Variants in FAM120B observed in about 807,000 individuals in gnomAD.
FAM120B encodes the protein constitutive coactivator of peroxisome proliferator-activated receptor gamma.
FAM120B carries 83 observed loss-of-function variants against 96.3 expected under a neutral mutation model. The observed-to-expected ratio is 0.86, with a 90% CI of 0.72 to 1.03. FAM120B has a LOEUF of 1.03. FAM120B is among the 50% of genes least tolerant of loss of function. The pLI is 0.00. For synonymous variants in FAM120B, 407 were observed against 402.7 expected (o/e 1.01, Z -0.13); for missense variants, 1,027 against 1,121.2 (o/e 0.92, Z 1.20).
intron 6 of FAM120B, among the ~76,000 whole-genome samples, chr6:170,368,337 G>T (rs530208882): frequency 6.6e-6 from 1 of 152,282 alleles, no homozygotes; most frequent in Non-Finnish European, 1.5e-5. Flanking sequence ...TGATAAGCAG[G>T]TATGCCATGT....
intron 9 of FAM120B, among the ~76,000 whole-genome samples, chr6:170,403,930 C>T (rs1366713841): frequency 2.0e-5 from 3 of 152,154 alleles, no homozygotes; most frequent in East Asian, 1.9e-4. Context: ...AGGCTGCCCA[C>T]GGCAGGAGTG....
At chr6:170,390,979 C>T (rs1272675655) in intron 7 of FAM120B, 34 bp from the exon 8 acceptor site, 2 of 1,576,482 alleles carry the variant, frequency 1.3e-6, no homozygotes, top group East Asian at 2.2e-5. Flanking sequence ...ACATCTGGCC[C>T]CTCACATCTC....
At chr6:170,339,015 C>T (rs1273391313) in intron 4 of FAM120B, among the ~76,000 whole-genome samples, 1 of 152,006 alleles carries the variant, frequency 6.6e-6, no homozygotes, top group Non-Finnish European at 1.5e-5. Flanking sequence ...GGGCATTTTG[C>T]CCATTTACAT....
intron 6 of FAM120B, among the ~76,000 whole-genome samples, chr6:170,371,405 A>C (rs1029792866): frequency 6.6e-6 from 1 of 152,104 alleles, no homozygotes; most frequent in Non-Finnish European, 1.5e-5. Context: ...TGCTGCTATG[A>C]ACCTTTCTTT....
intron 8 of FAM120B, among the ~76,000 whole-genome samples, chr6:170,393,942 A>T (rs1039144779): frequency 5.3e-5 from 8 of 152,306 alleles, no homozygotes; most frequent in Middle Eastern, 3.4e-3. Context: ...TCTGGACCCA[A>T]GCTGACAGCT....
chr6:170,379,702 T>C (rs1954455413), intron 6 of FAM120B, among the ~76,000 whole-genome samples: 1 of 152,248 alleles, frequency 6.6e-6, no homozygotes, highest in Non-Finnish European at 1.5e-5. Context: ...TTAATTTCTT[T>C]ATAAATCCGT....
rs1790323006 is a variant in FAM120B, at chr6:170,388,565, CG to C, written c.2490+74del. The stretch of plus-strand genomic sequence containing the variant: ...CCAGGCTGCACAAAAAACATGAAGT[CG>C]GCTGTTGCATTTTTCAAATTAATGC... On this transcript the variant is annotated intron_variant, in intron 7 of 10. Transcript: ENST00000476287. 16 of 1,305,550 alleles carry C rather than the reference CG, an allele frequency of 1.2e-5. No individual in the cohort carries two copies. In the South Asian group the frequency reaches 1.7e-4, roughly 14 times the overall value. 80.9% of individuals were successfully genotyped at this position (1,305,550 alleles called of 1,614,324 possible).
At chr6:170,403,245 C>G (rs1467052536) in intron 9 of FAM120B, among the ~76,000 whole-genome samples, 1 of 152,200 alleles carries the variant, frequency 6.6e-6, no homozygotes, top group Non-Finnish European at 1.5e-5. Flanking sequence ...TGCACACACA[C>G]TGCTCTCATC....
At chr6:170,295,193 T>C, upstream of FAM120B, 1 of 510,614 alleles carries the variant, frequency 2.0e-6, no homozygotes, top group Non-Finnish European at 3.5e-6. The surrounding 1 kb of genome is among the most constrained non-coding windows in gnomAD (Gnocchi z 7.8). Context: ...GGTTACTTCC[T>C]TGCTGCTTAC....
chr6:170,383,782 C>T (rs1257032032), intron 6 of FAM120B, among the ~76,000 whole-genome samples: 1 of 152,154 alleles, frequency 6.6e-6, no homozygotes, highest in Non-Finnish European at 1.5e-5. Flanking sequence ...CAATCACATG[C>T]CTGGGCATGA....
chr6:170,342,663 C>T (rs1786913461), intron 4 of FAM120B, among the ~76,000 whole-genome samples: 1 of 152,158 alleles, frequency 6.6e-6, no homozygotes, highest in African/African-American at 2.4e-5. Flanking sequence ...CCCTGGGGCT[C>T]GGTCCCTCCT....
upstream of FAM120B, among the ~76,000 whole-genome samples, chr6:170,293,413 C>T (rs1783929038): frequency 6.6e-6 from 1 of 152,102 alleles, no homozygotes; most frequent in Admixed American, 6.5e-5. Flanking sequence ...GGGCTTAAAC[C>T]TTGGGGGGAA....
At position 170,308,709 on chromosome 6, in the gene FAM120B, C is replaced by T. The variant is rs1478722462; in HGVS notation, c.-22+1867C>T. Among the ~76,000 whole-genome samples the T allele has an allele frequency of 2.6e-5, 4 of 152,166 alleles. No individual in the cohort carries two copies. The South Asian group carries it at 6.2e-4, about 24-fold the overall frequency. The stretch of plus-strand genomic sequence containing the variant: ...TTCAAGTCTTTCACAGCTTAGATCC[C>T]TGCAAAACTGGCTATTTGTCATATC... On this transcript the variant is annotated intron_variant, in intron 1 of 10. Coordinates refer to ENST00000476287, the MANE Select transcript of FAM120B (RefSeq NM_032448.3).
At chr6:170,324,688 A>T (rs1033820489) in intron 3 of FAM120B, among the ~76,000 whole-genome samples, 1 of 152,208 alleles carries the variant, frequency 6.6e-6, no homozygotes, top group African/African-American at 2.4e-5. Flanking sequence ...ATAACCACAT[A>T]AAAAAACCAT....
chr6:170,300,853 A>G (rs1465392927), intron 1 of FAM120B, among the ~76,000 whole-genome samples: 1 of 152,260 alleles, frequency 6.6e-6, no homozygotes. Context: ...GTGGGCTCCC[A>G]CAGCCTTGGG....
At chr6:170,379,910 A>G (rs145327128) in intron 6 of FAM120B, among the ~76,000 whole-genome samples, 7 of 152,326 alleles carry the variant, frequency 4.6e-5, no homozygotes, top group Non-Finnish European at 1.0e-4. Context: ...TATACAGTAG[A>G]GTGTTATTAA....
intron 5 of FAM120B, among the ~76,000 whole-genome samples, chr6:170,357,148 G>T (rs936362126): frequency 3.9e-5 from 6 of 152,192 alleles, no homozygotes; most frequent in Non-Finnish European, 8.8e-5. Flanking sequence ...TTGGCTTTCT[G>T]TTTCTTTTTC....
upstream of FAM120B, among the ~76,000 whole-genome samples, chr6:170,302,704 CTA>C (rs759858729): frequency 2.3e-4 from 35 of 152,140 alleles, no homozygotes; most frequent in African/African-American, 3.1e-4. Context: ...CTTTCTTTTC[CTA>C]TGTTTCTCTT....
chr6:170,341,911 G>C (rs1316768534), intron 4 of FAM120B, among the ~76,000 whole-genome samples: 2 of 152,208 alleles, frequency 1.3e-5, no homozygotes, highest in African/African-American at 2.4e-5. Flanking sequence ...GCAGACCAGA[G>C]CTGTTCTTAC....
Sources: allele counts gnomAD v4.1 joint callset (sites outside exome capture counted in the v4.1 genomes callset), GRCh38; gene constraint gnomAD v4.1.1; non-coding constraint Gnocchi (gnomAD v3.1); transcripts MANE v1.5; gene names NCBI Gene and HGNC (gene_info 2026-07-23, HGNC 2026-07-21).